C6orf62: variants seen among roughly 807,000 people sequenced by gnomAD.
C6orf62 encodes uncharacterized protein C6orf62.
A neutral mutation model predicts 26.8 loss-of-function variants in C6orf62; 16 were observed. That is an observed-to-expected ratio of 0.60 (90% CI 0.40 to 0.91). The LOEUF is 0.91. C6orf62 is among the 40% of genes least tolerant of loss of function. The pLI, the probability that C6orf62 is intolerant of heterozygous loss-of-function variation, is 0.00. For synonymous variants in C6orf62, 112 were observed against 91.5 expected (o/e 1.22, Z -1.28); for missense variants, 192 against 271.4 (o/e 0.71, Z 2.06).
Position 24,718,944 on chromosome 6 carries a change from G to A in C6orf62, c.-276C>T, listed in dbSNP as rs1250600138. 5.7e-6 allele frequency: 7 copies of A among 1,230,354 alleles called. No individual in the cohort carries two copies. Among genetic ancestry groups the A allele is most frequent in the African/African-American group, 3.2e-5 (2 of 63,184 alleles). 76.2% of individuals were successfully genotyped at this position (1,230,354 alleles called of 1,614,324 possible). ...AAAGGGAGGAAAGAAAGGAAAGAAA[G>A]AGGAGAAAATAACTAACTTTCTGGA... On this transcript the variant is annotated 5_prime_UTR_variant, in exon 1 of 5. Coordinates refer to ENST00000378119, the MANE Select transcript of C6orf62 (RefSeq NM_030939.5).
intron 4 of C6orf62, 31 bp from the exon 5 acceptor site, chr6:24,706,293 A>T (rs760976564): frequency 3.7e-6 from 6 of 1,612,138 alleles, no homozygotes; most frequent in Middle Eastern, 1.7e-4. Flanking sequence ...AATATTTTTT[A>T]AAAATAAGAC....
Position 24,719,132 on chromosome 6 carries a change from G to C in C6orf62, c.-464C>G. 7.1e-6 allele frequency: 7 copies of C among 980,862 alleles called. No homozygotes were observed. The highest frequency in any genetic ancestry group is 8.4e-6 in the Non-Finnish European group (7 of 829,438). 60.8% of individuals were successfully genotyped at this position (980,862 alleles called of 1,614,324 possible). A position where few individuals can be genotyped will look rare whatever the true frequency, so the allele number is the denominator to read the frequency against. On this transcript the variant is annotated 5_prime_UTR_variant, in exon 1 of 5. Transcript: ENST00000378119. ...AGAAAAGGGATTAAGGAACAGGGAG[G>C]GGGAAGTGTGATCCTTGCTTTCCAA...
chr6:24,719,618 G>C, upstream of C6orf62: 1 of 1,430,670 alleles, frequency 7.0e-7, no homozygotes, highest in Non-Finnish European at 9.1e-7. Flanking sequence ...GGTTAGACCT[G>C]ATTAATGCCC....
chr6:24,714,271 G>C (rs776249703), intron 3 of C6orf62, 47 bp downstream of exon 3: 2 of 1,479,242 alleles, frequency 1.4e-6, no homozygotes, highest in Non-Finnish European at 1.8e-6. Flanking sequence ...TTATATTCTA[G>C]TAGTTTTCAC....
At chr6:24,710,600 A>G (rs538760973) in intron 3 of C6orf62, 12 of 722,318 alleles carry the variant, frequency 1.7e-5, no homozygotes, top group Non-Finnish European at 1.8e-5. Flanking sequence ...CTATAGGAGA[A>G]AAAAAAAAAA....
rs1196082841 is a variant in C6orf62 at position 24,705,626 on chromosome 6, C to CT, written c.*510dup. On this transcript the variant is annotated 3_prime_UTR_variant, in exon 5 of 5. Coordinates refer to ENST00000378119, the MANE Select transcript of C6orf62 (RefSeq NM_030939.5). ...GATTTCTTTCCCATGGTTGTATTTT[C>CT]TTTTTTTAAACCAGTTCTGGTCATT... is the stretch of plus-strand genomic sequence containing the variant. 1 of 152,562 alleles carries CT rather than the reference C, an allele frequency of 6.6e-6. No homozygotes were observed. The highest frequency in any genetic ancestry group is 6.6e-5 in the Admixed American group (1 of 15,264). The allele number at this position is 152,562 out of a possible 1,614,324, so 9.5% of individuals were successfully genotyped here.
Position 24,717,931 on chromosome 6 carries a change from G to A in C6orf62, c.129+609C>T, listed in dbSNP as rs182307581. Among the ~76,000 whole-genome samples the A allele has an allele frequency of 2.0e-3, 299 of 152,108 alleles. 1 individual carries two copies. Among genetic ancestry groups the A allele is most frequent in the African/African-American group, 6.9e-3 (287 of 41,488 alleles). ...ACTAATTCTGATTAAGACCTCCACC[G>A]CCCCTAAAAATGAAACTTCCTCTAG... On this transcript the variant is annotated intron_variant, in intron 1 of 4. Coordinates refer to ENST00000378119, the MANE Select transcript of C6orf62 (RefSeq NM_030939.5).
At chr6:24,709,912 T>A (rs1204732358) in intron 3 of C6orf62, 1 of 985,324 alleles carries the variant, frequency 1.0e-6, no homozygotes, top group East Asian at 1.1e-4. Flanking sequence ...TTTATTGCCG[T>A]TACGTCAAAA....
At chr6:24,719,608 G>C, upstream of C6orf62, 1 of 1,423,882 alleles carries the variant, frequency 7.0e-7, no homozygotes, top group Non-Finnish European at 9.1e-7. Context: ...CCGGCTCTGT[G>C]GTTAGACCTG....
upstream of C6orf62, chr6:24,720,021 A>ACCCT (rs1278269170): frequency 5.8e-5 from 35 of 600,402 alleles, no homozygotes; most frequent in Middle Eastern, 5.4e-4. Context: ...AAGCCCACCC[A>ACCCT]CCCTCCCCCC....
chr6:24,716,291 C>T lies in C6orf62; in HGVS notation c.163G>A (p.Val55Ile), dbSNP rs1462652990. ...TAATTATTTGTCATGACTGGTATAACCTCAGACACTTCAAAAAGTGCTGAC... is the reference window on the plus strand; with the variant it reads ...TAATTATTTGTCATGACTGGTATAATCTCAGACACTTCAAAAAGTGCTGAC... ...KKSALFEVSE[V>I]IPVMTNNYEE... The change falls in exon 2 of 5, where the codon GTT (valine) becomes ATT (isoleucine). Residue 55 changes from valine to isoleucine, a missense_variant. Val to Ile is a conservative substitution (Grantham distance 29). Transcript: ENST00000378119. 6.2e-7 allele frequency: 1 copy of T among 1,613,938 alleles called. No individual in the cohort carries two copies. Among genetic ancestry groups the T allele is most frequent in the South Asian group, 1.1e-5 (1 of 91,070 alleles).
intron 4 of C6orf62, among the ~76,000 whole-genome samples, chr6:24,707,807 T>C (rs1479075358): frequency 6.6e-6 from 1 of 150,636 alleles, no homozygotes; most frequent in African/African-American, 2.4e-5. Context: ...ATTGAGACCA[T>C]CCTGGCTAAC....
chr6:24,720,828 G>A (rs530272015), upstream of C6orf62: 1 of 152,456 alleles, frequency 6.6e-6, no homozygotes, highest in African/African-American at 2.4e-5. Context: ...CCGGGGCAGA[G>A]TCGCGTTTGA....
intron 1 of C6orf62, among the ~76,000 whole-genome samples, chr6:24,717,705 A>G (rs1335677782): frequency 6.6e-6 from 1 of 152,222 alleles, no homozygotes; most frequent in Non-Finnish European, 1.5e-5. Flanking sequence ...CCACACTAAG[A>G]TTGTATTTCT....
At chr6:24,706,924 A>G (rs1779021774) in intron 4 of C6orf62, 2 of 152,218 alleles carry the variant, frequency 1.3e-5, no homozygotes, top group Admixed American at 6.5e-5. Flanking sequence ...AATAAATAAA[A>G]GATTTAAGCA....
chr6:24,706,377 A>T, intron 4 of C6orf62, 115 bp from the exon 5 acceptor site: 1 of 1,412,682 alleles, frequency 7.1e-7, no homozygotes, highest in Middle Eastern at 2.5e-4. Context: ...TAAGGGACAA[A>T]TTGTAGTCCC....
rs1185180859 is a variant in C6orf62 at position 24,704,883 on chromosome 6, C to G, written c.*1254G>C. The G allele has an allele frequency of 6.6e-6, 1 of 152,174 alleles. No homozygotes were observed. Among genetic ancestry groups the G allele is most frequent in the African/African-American group, 2.4e-5 (1 of 41,428 alleles). 9.4% of individuals were successfully genotyped at this position (152,174 alleles called of 1,614,324 possible). A position where few individuals can be genotyped will look rare whatever the true frequency, so the allele number is the denominator to read the frequency against. On this transcript the variant is annotated 3_prime_UTR_variant, in exon 5 of 5. Coordinates refer to ENST00000378119, the MANE Select transcript of C6orf62 (RefSeq NM_030939.5). ...AACTTTGTGTATTCACCTGAATAGTCAGGGAACTTTCACCTATTTTATTTA... is the reference window on the plus strand; with the variant it reads ...AACTTTGTGTATTCACCTGAATAGTGAGGGAACTTTCACCTATTTTATTTA...
Position 24,705,073 on chromosome 6 carries a change from G to GAA in C6orf62, c.*1062_*1063dup, listed in dbSNP as rs10946721. On this transcript the variant is annotated 3_prime_UTR_variant, in exon 5 of 5. Coordinates refer to ENST00000378119, the MANE Select transcript of C6orf62 (RefSeq NM_030939.5). Reference sequence around the variant, plus strand: ...CAAAGCTTTTCTTCATTTAAAAGGAGAAAAAAAAAAAAACCTATACAGTAG... The same window carrying GAA: ...CAAAGCTTTTCTTCATTTAAAAGGAGAAAAAAAAAAAAAAACCTATACAGTAG... 123 of 140,898 alleles carry GAA rather than the reference G, an allele frequency of 8.7e-4. 2 individuals carry two copies. In the South Asian group the frequency reaches 0.019, roughly 22 times the overall value. 8.7% of individuals were successfully genotyped at this position (140,898 alleles called of 1,614,324 possible). A position where few individuals can be genotyped will look rare whatever the true frequency, so the allele number is the denominator to read the frequency against.
At chr6:24,712,477 C>A (rs1042578010) in intron 3 of C6orf62, among the ~76,000 whole-genome samples, 1 of 151,812 alleles carries the variant, frequency 6.6e-6, no homozygotes, top group Non-Finnish European at 1.5e-5. Flanking sequence ...GAGACCATCC[C>A]GGCCAACATG....
Sources: allele counts gnomAD v4.1 joint callset (sites outside exome capture counted in the v4.1 genomes callset), GRCh38; gene constraint gnomAD v4.1.1; transcripts MANE v1.5; gene names NCBI Gene and HGNC (gene_info 2026-07-23, HGNC 2026-07-21).